The following CPS1 variants were observed in gnomAD, a reference collection of about 807,000 sequenced individuals.
CPS1 encodes carbamoyl-phosphate synthase 1.
In CPS1, 109 loss-of-function variants were observed where a neutral mutation model predicts 174.6. That is an observed-to-expected ratio of 0.62 (90% CI 0.53 to 0.73). The LOEUF is 0.73. Among genes scored for constraint, CPS1 ranks in the 30% least tolerant of loss-of-function variants. The pLI is 0.00. For missense variants in CPS1, 1,689 were observed against 1,821.9 expected, an observed-to-expected ratio of 0.93 and a Z score of 1.33; for synonymous variants, 637 against 632.0, an observed-to-expected ratio of 1.01 and a Z score of -0.12.
chr2:210,595,616 G>T, intron 13 of CPS1, 34 bp downstream of exon 13: 1 of 1,394,038 alleles, frequency 7.2e-7, no homozygotes. Context: ...GAATTAATAT[G>T]CTTCCTTTAA....
intron 1 of CPS1, among the ~76,000 whole-genome samples, chr2:210,566,932 T>C (rs1697324008): frequency 6.6e-6 from 1 of 152,150 alleles, no homozygotes; most frequent in Non-Finnish European, 1.5e-5. Flanking sequence ...ATAATTCTGT[T>C]TGAAGTAAGA....
chr2:210,605,192 A>G lies in CPS1; in HGVS notation c.1927A>G (p.Asn643Asp), dbSNP rs964907014. The G allele has an allele frequency of 6.2e-7, 1 of 1,612,294 alleles. No homozygotes were observed. ...EYEVVRDADD[N>D]CVTVCNMENV... ...TGAAGTGGTTCGAGATGCTGATGAC[A>G]ATTGTGTCACTGTCTGTAACATGGA... Residue 643 changes from asparagine (N) to aspartate (D), a missense_variant, in exon 17 of 38, where the codon AAT becomes GAT. Coordinates refer to ENST00000233072, the MANE Select transcript of CPS1 (RefSeq NM_001875.5).
intron 1 of CPS1, among the ~76,000 whole-genome samples, chr2:210,485,792 A>G (rs547409916): frequency 5.4e-5 from 8 of 148,502 alleles, no homozygotes; most frequent in South Asian, 4.3e-4. Flanking sequence ...GTAGATATCT[A>G]GGAGTATAAT....
chr2:210,550,891 ATAGT>A (rs1005757688), intron 1 of CPS1, among the ~76,000 whole-genome samples: 14 of 152,022 alleles, frequency 9.2e-5, no homozygotes, highest in Middle Eastern at 3.4e-3. Context: ...TTTAAATTTA[ATAGT>A]TAGCTCATGG....
At chr2:210,565,431 G>A (rs1697271302) in intron 1 of CPS1, among the ~76,000 whole-genome samples, 1 of 152,058 alleles carries the variant, frequency 6.6e-6, no homozygotes, top group Non-Finnish European at 1.5e-5. Context: ...GTAACCTTAA[G>A]GCATTTTTCT....
At chr2:210,639,957 CTT>C (rs1164398769) in intron 23 of CPS1, 37 bp from the exon 24 acceptor site, 1 of 1,405,154 alleles carries the variant, frequency 7.1e-7, no homozygotes, top group South Asian at 1.2e-5. Flanking sequence ...AATAATAACA[CTT>C]AATGATTTCT....
intron 1 of CPS1, among the ~76,000 whole-genome samples, chr2:210,566,174 C>T (rs1177668691): frequency 6.6e-6 from 1 of 152,108 alleles, no homozygotes; most frequent in Non-Finnish European, 1.5e-5. Context: ...AGATGGTTTG[C>T]TGACCTCACT....
At chr2:210,664,321 C>A (rs954884864) in intron 33 of CPS1, among the ~76,000 whole-genome samples, 4 of 151,848 alleles carry the variant, frequency 2.6e-5, no homozygotes, top group African/African-American at 9.7e-5. Flanking sequence ...TTCCTTCATA[C>A]TGTTTTATTT....
intron 19 of CPS1, among the ~76,000 whole-genome samples, chr2:210,610,468 A>G (rs1699073826): frequency 6.6e-6 from 1 of 152,004 alleles, no homozygotes; most frequent in African/African-American, 2.4e-5. Flanking sequence ...TGGTAAATTC[A>G]GAATACCTAA....
chr2:210,574,084 G>A (rs146220153), intron 2 of CPS1, among the ~76,000 whole-genome samples: 256 of 152,134 alleles, frequency 1.7e-3, no homozygotes, highest in Non-Finnish European at 2.8e-3. Context: ...GTTCACCTGG[G>A]AATCAGGAGG....
intron 1 of CPS1, among the ~76,000 whole-genome samples, chr2:210,501,500 T>C (rs1442491534): frequency 1.3e-5 from 2 of 152,154 alleles, no homozygotes; most frequent in African/African-American, 4.8e-5. Context: ...CTTGAATGCT[T>C]TGCTGCTTAG....
chr2:210,654,083 C>T lies in CPS1; in HGVS notation c.3539C>T (p.Ala1180Val), dbSNP rs1437413542. The change falls in exon 29 of 38, where the codon GCT (alanine) becomes GTT (valine). Residue 1180 changes from alanine (A) to valine (V), a missense_variant. Coordinates refer to ENST00000233072, the MANE Select transcript of CPS1 (RefSeq NM_001875.5). ...GGGGCCCGAGAAGTAGAAATGGACG[C>T]TGTTGGCAAAGATGGAAGGGTAAGT... ...VEGAREVEMD[A>V]VGKDGRVISH... 1.2e-6 allele frequency: 2 copies of T among 1,613,978 alleles called. No individual in the cohort carries two copies. Among genetic ancestry groups the T allele is most frequent in the Non-Finnish European group, 8.5e-7 (1 of 1,179,868 alleles).
At chr2:210,504,847 G>A in intron 1 of CPS1, among the ~76,000 whole-genome samples, 1 of 152,166 alleles carries the variant, frequency 6.6e-6, no homozygotes, top group East Asian at 1.9e-4. Flanking sequence ...TCTCAGTTGT[G>A]ACTGGGATCA....
intron 1 of CPS1, among the ~76,000 whole-genome samples, chr2:210,548,973 A>G (rs1240775026): frequency 6.6e-6 from 1 of 152,104 alleles, no homozygotes. Context: ...CAGGTTCAGT[A>G]TAACAAATTT....
At chr2:210,502,723 C>G (rs1695178999) in intron 1 of CPS1, among the ~76,000 whole-genome samples, 1 of 152,022 alleles carries the variant, frequency 6.6e-6, no homozygotes, top group African/African-American at 2.4e-5. Context: ...TGCCCTGACC[C>G]TTCATAGTCT....
upstream of CPS1, among the ~76,000 whole-genome samples, chr2:210,553,805 C>G (rs1696791575): frequency 6.6e-6 from 1 of 151,950 alleles, no homozygotes; most frequent in Non-Finnish European, 1.5e-5. Context: ...AGCCTCAACT[C>G]CTTTGATCTA....
chr2:210,656,336 G>T (rs574580829), intron 29 of CPS1, among the ~76,000 whole-genome samples, 189 bp from the exon 30 acceptor site: 1 of 152,286 alleles, frequency 6.6e-6, no homozygotes, highest in Non-Finnish European at 1.5e-5. Flanking sequence ...ACTCTTAGCT[G>T]CCTCTACAGG....
At position 210,577,519 on chromosome 2, in the gene CPS1, T is replaced by C. The variant is rs1697753704; in HGVS notation, c.471+9T>C. ...GGCTACAGGAAGAAAAGGTAAGAAA[T>C]GTAATAGGGCATCCATCATCACCTA... On this transcript the variant is annotated intron_variant, in intron 4 of 37. Transcript: ENST00000233072. 1 of 1,598,154 alleles carries C rather than the reference T, an allele frequency of 6.3e-7. No homozygotes were observed.
chr2:210,571,854 T>TG (rs1574538142), intron 1 of CPS1, among the ~76,000 whole-genome samples: 3 of 120,202 alleles, frequency 2.5e-5, no homozygotes, highest in East Asian at 4.7e-4. Context: ...CCTACTAAAG[T>TG]TTGTGTGTGT....
Sources: gnomAD v4.1 joint callset for allele counts (sites outside exome capture counted in the v4.1 genomes callset) on GRCh38, gnomAD v4.1.1 for gene constraint, MANE v1.5 for transcripts, NCBI Gene and HGNC (gene_info 2026-07-23, HGNC 2026-07-21) for gene names.